Variants in CDH18 observed in about 807,000 individuals in gnomAD.
CDH18 encodes the protein cadherin 18.
CDH18 carries 31 observed loss-of-function variants against 67.9 expected under a neutral mutation model. That is an observed-to-expected ratio of 0.46 (90% CI 0.34 to 0.62). The LOEUF (loss-of-function observed/expected upper bound fraction) is 0.62, where lower values mean the gene tolerates loss of function less well. Among genes scored for constraint, CDH18 ranks in the 20% least tolerant of loss-of-function variants. The probability of loss-of-function intolerance (pLI) is 0.01; values close to 1 mark genes in which losing one functional copy is unlikely to be tolerated. For missense variants in CDH18, 890 were observed against 975.5 expected, an observed-to-expected ratio of 0.91 and a Z score of 1.17; for synonymous variants, 362 against 347.2, an observed-to-expected ratio of 1.04 and a Z score of -0.48.
intron 3 of CDH18, among the ~76,000 whole-genome samples, chr5:19,824,287 T>C (rs1780184702): frequency 1.3e-5 from 2 of 151,986 alleles, no homozygotes; most frequent in African/African-American, 2.4e-5. Context: ...AGAAACCACG[T>C]CGGGACCCAT....
At chr5:20,403,685 G>T (rs1562036911) in intron 1 of CDH18, among the ~76,000 whole-genome samples, 2 of 152,084 alleles carry the variant, frequency 1.3e-5, no homozygotes, top group Non-Finnish European at 2.9e-5. Flanking sequence ...TCCAGGCTTT[G>T]TTGTTCCATT....
At chr5:20,495,127 G>T (rs1421049787) in intron 1 of CDH18, among the ~76,000 whole-genome samples, 2 of 151,978 alleles carry the variant, frequency 1.3e-5, no homozygotes, top group Non-Finnish European at 2.9e-5. Context: ...CTTGGCCTTG[G>T]AGTTTATCAT....
chr5:19,755,428 T>TATAC (rs1491108179), intron 3 of CDH18, among the ~76,000 whole-genome samples: 1 of 5,202 alleles, frequency 1.9e-4, no homozygotes, highest in African/African-American at 2.2e-4. Context: ...ACTAACAGGG[T>TATAC]ATGTATATAT....
intron 2 of CDH18, among the ~76,000 whole-genome samples, chr5:20,220,415 G>A (rs1450941160): frequency 6.6e-6 from 1 of 151,834 alleles, no homozygotes; most frequent in East Asian, 1.9e-4. Context: ...GAGAGAAATG[G>A]ATATCCACAT....
chr5:20,133,418 A>G (rs1023644399), intron 2 of CDH18, among the ~76,000 whole-genome samples: 3 of 152,118 alleles, frequency 2.0e-5, no homozygotes, highest in Admixed American at 1.3e-4. Flanking sequence ...ACACCATGGG[A>G]AAAAACCTCC....
intron 2 of CDH18, among the ~76,000 whole-genome samples, chr5:20,162,778 G>A (rs1207267187): frequency 6.6e-6 from 1 of 151,676 alleles, no homozygotes; most frequent in African/African-American, 2.4e-5. Flanking sequence ...ATAAAATTTG[G>A]CTGGGCACAG....
intron 5 of CDH18, among the ~76,000 whole-genome samples, chr5:19,657,901 C>A (rs557874106): frequency 1.3e-5 from 2 of 152,066 alleles, no homozygotes. Context: ...TGTGTGCCAG[C>A]GGCTAAGATT....
intron 1 of CDH18, among the ~76,000 whole-genome samples, chr5:20,330,990 T>A (rs1321610711): frequency 2.0e-5 from 3 of 152,340 alleles, no homozygotes; most frequent in Admixed American, 2.0e-4. Flanking sequence ...CCATATGTAT[T>A]TGCTACTGGT....
At chr5:20,019,943 T>C (rs1738252144) in intron 2 of CDH18, among the ~76,000 whole-genome samples, 1 of 152,208 alleles carries the variant, frequency 6.6e-6, no homozygotes, top group Non-Finnish European at 1.5e-5. Flanking sequence ...CTGATATTGA[T>C]GTGGACAATG....
intron 2 of CDH18, among the ~76,000 whole-genome samples, chr5:20,065,233 C>T (rs770266485): frequency 4.6e-5 from 7 of 151,752 alleles, no homozygotes; most frequent in African/African-American, 7.3e-5. Context: ...GAGGAAGTGA[C>T]GTATCTTATA....
At chr5:19,940,645 C>A (rs1323870377) in intron 2 of CDH18, among the ~76,000 whole-genome samples, 1 of 151,964 alleles carries the variant, frequency 6.6e-6, no homozygotes, top group Non-Finnish European at 1.5e-5. Flanking sequence ...CTTTGTGGAT[C>A]TAGAGATTAT....
intron 2 of CDH18, among the ~76,000 whole-genome samples, chr5:19,896,303 C>T (rs1579476546): frequency 6.6e-6 from 1 of 152,002 alleles, no homozygotes; most frequent in African/African-American, 2.4e-5. Flanking sequence ...GAGTCGAGAA[C>T]ACATCATTGC....
chr5:19,996,424 G>A lies in CDH18; in HGVS notation c.-517-4410C>T, dbSNP rs573327551. ...AAACAATGATTTAATGAACATCACA[G>A]TTTATAAATCTTTCCTGGGTCTTTG... On this transcript the variant is annotated intron_variant, in intron 2 of 14. Transcript: ENST00000507958. Among the ~76,000 whole-genome samples, 20 of 152,064 alleles carry A rather than the reference G, an allele frequency of 1.3e-4. No individual in the cohort carries two copies. The East Asian group carries it at 2.1e-3, about 16-fold the overall frequency.
At chr5:19,865,686 TG>T (rs1785405776) in intron 2 of CDH18, among the ~76,000 whole-genome samples, 1 of 152,084 alleles carries the variant, frequency 6.6e-6, no homozygotes, top group South Asian at 2.1e-4. Flanking sequence ...TTCAGGGGTT[TG>T]GGAAATTCAG....
intron 2 of CDH18, among the ~76,000 whole-genome samples, chr5:19,871,311 C>A (rs548033948): frequency 6.6e-6 from 1 of 152,300 alleles, no homozygotes; most frequent in East Asian, 1.9e-4. Context: ...GAGCATGTTT[C>A]TACTTTGTTT....
At chr5:19,942,942 A>C (rs1333455581) in intron 2 of CDH18, among the ~76,000 whole-genome samples, 1 of 152,112 alleles carries the variant, frequency 6.6e-6, no homozygotes, top group Non-Finnish European at 1.5e-5. Flanking sequence ...TGGGTGACCC[A>C]TGTCGGGGGC....
At chr5:20,434,716 C>T (rs756615520) in intron 1 of CDH18, among the ~76,000 whole-genome samples, 4 of 151,966 alleles carry the variant, frequency 2.6e-5, no homozygotes, top group Admixed American at 6.6e-5. Flanking sequence ...ATCAGACCAA[C>T]TGGTTTGAGG....
chr5:20,191,195 T>C (rs111520784), intron 2 of CDH18, among the ~76,000 whole-genome samples: 1 of 152,252 alleles, frequency 6.6e-6, no homozygotes, highest in African/African-American at 2.4e-5. Context: ...TATACCTGTT[T>C]GAGTTATACG....
chr5:19,749,520 T>C (rs1770556836), intron 3 of CDH18, among the ~76,000 whole-genome samples: 1 of 151,270 alleles, frequency 6.6e-6, no homozygotes, highest in Admixed American at 6.6e-5. Context: ...TTGATGTCAC[T>C]TAGTTTTTTT....
Sources: gnomAD v4.1 joint callset for allele counts (sites outside exome capture counted in the v4.1 genomes callset) on GRCh38, gnomAD v4.1.1 for gene constraint, MANE v1.5 for transcripts, NCBI Gene and HGNC (gene_info 2026-07-23, HGNC 2026-07-21) for gene names.